The following SHANK2 variants were observed in gnomAD, a reference collection of about 807,000 sequenced individuals.
The protein encoded by SHANK2 is SH3 and multiple ankyrin repeat domains protein 2.
SHANK2 carries 43 observed loss-of-function variants against 133.7 expected under a neutral mutation model. The observed-to-expected ratio is 0.32, with a 90% confidence interval of 0.25 to 0.41. SHANK2 has a LOEUF of 0.41. SHANK2 is among the 10% of genes least tolerant of loss of function. The probability of loss-of-function intolerance (pLI) is 1.00; values close to 1 mark genes in which losing one functional copy is unlikely to be tolerated. For missense variants in SHANK2, 1,994 were observed against 2,235.8 expected, an observed-to-expected ratio of 0.89 and a Z score of 2.18; for synonymous variants, 1,017 against 952.8, an observed-to-expected ratio of 1.07 and a Z score of -1.24.
rs142818564 is a variant in SHANK2 at position 70,806,624 on chromosome 11, C to T, written c.1663+378G>A. On this transcript the variant is annotated intron_variant, in intron 13 of 25. Transcript: ENST00000601538. ...GCAGGCCCCGGGCCTCAGGTCACAC[C>T]GGACCATCTACCTGGAGACCCCAAA... is the stretch of plus-strand genomic sequence containing the variant. Among the ~76,000 whole-genome samples the T allele has an allele frequency of 2.3e-3, 356 of 152,196 alleles. 2 individuals carry two copies. The highest frequency in any genetic ancestry group is 6.5e-3 in the African/African-American group (269 of 41,528).
intron 15 of SHANK2, among the ~76,000 whole-genome samples, chr11:70,690,084 G>A (rs990592756): frequency 2.6e-5 from 4 of 152,076 alleles, no homozygotes; most frequent in South Asian, 2.1e-4. Flanking sequence ...AGCAACTCAC[G>A]TATCCACTAG....
intron 10 of SHANK2, chr11:70,933,426 A>T (rs1290217102): frequency 9.4e-6 from 4 of 423,494 alleles, no homozygotes; most frequent in South Asian, 3.5e-5. Flanking sequence ...AAATGACAAA[A>T]TTCTGGTAGT....
Position 70,954,683 on chromosome 11 carries a change from C to G in SHANK2, c.1108-58116G>C, listed in dbSNP as rs149846404. On this transcript the variant is annotated intron_variant, in intron 10 of 25. Transcript: ENST00000601538. ...GTGAAGAGCGCAATACAACACAGAA[C>G]CATTGCCAACGGCATTCCTGGGCCT... is the stretch of plus-strand genomic sequence containing the variant. 3.5e-4 allele frequency among the ~76,000 whole-genome samples: 53 copies of G among 152,366 alleles called. 1 individual carries two copies. The East Asian group carries it at 5.2e-3, about 15-fold the overall frequency.
chr11:71,239,530 G>C (rs1954863230), intron 1 of SHANK2, among the ~76,000 whole-genome samples: 3 of 152,090 alleles, frequency 2.0e-5, no homozygotes. Flanking sequence ...CACCATCTCA[G>C]CTCACAGCAG....
intron 14 of SHANK2, among the ~76,000 whole-genome samples, chr11:70,779,642 C>T (rs1555044708): frequency 3.3e-5 from 5 of 152,208 alleles, no homozygotes; most frequent in African/African-American, 1.2e-4. Flanking sequence ...ACAGCTCCCA[C>T]CCCTTTCACA....
At chr11:71,210,843 G>A (rs1372553120) in intron 2 of SHANK2, among the ~76,000 whole-genome samples, 1 of 152,186 alleles carries the variant, frequency 6.6e-6, no homozygotes, top group East Asian at 1.9e-4. Flanking sequence ...CCTCAGGACT[G>A]AAGAGAAAAA....
intron 3 of SHANK2, among the ~76,000 whole-genome samples, chr11:71,145,941 G>A (rs1451685883): frequency 1.3e-5 from 2 of 152,244 alleles, no homozygotes; most frequent in East Asian, 3.9e-4. Flanking sequence ...GCCCACTGAG[G>A]GAGACCCTTC....
chr11:71,140,180 T>A (rs1952527533), intron 3 of SHANK2, among the ~76,000 whole-genome samples: 1 of 152,218 alleles, frequency 6.6e-6, no homozygotes, highest in Non-Finnish European at 1.5e-5. Context: ...ATTTCTGGTT[T>A]CAGCCTCCAG....
chr11:70,548,850 G>A (rs1018176953), intron 17 of SHANK2, among the ~76,000 whole-genome samples: 10 of 152,162 alleles, frequency 6.6e-5, no homozygotes, highest in African/African-American at 2.2e-4. Flanking sequence ...ATGTGGACAC[G>A]CATGGTGGGA....
chr11:71,175,545 G>T lies in SHANK2; in HGVS notation c.-12-28207C>A, dbSNP rs868957689. On this transcript the variant is annotated intron_variant, in intron 2 of 25. Transcript: ENST00000601538. The surrounding 1 kb of genome is among the most constrained non-coding windows in gnomAD (Gnocchi z 4.2). ...GACAGACAGACAGACAGAGGGAGAG[G>T]GAGAGGGAGAGAGAGAGAGAGAGAG... is the stretch of plus-strand genomic sequence containing the variant. 1.3e-5 allele frequency among the ~76,000 whole-genome samples: 1 copy of T among 79,306 alleles called. No homozygotes were observed. The allele number at this position is 79,306 out of a possible 152,430, so 52.0% of individuals were successfully genotyped here. A position where few individuals can be genotyped will look rare whatever the true frequency, so the allele number is the denominator to read the frequency against.
intron 11 of SHANK2, among the ~76,000 whole-genome samples, chr11:70,892,187 G>A (rs868940436): frequency 4.6e-5 from 7 of 152,146 alleles, no homozygotes; most frequent in Non-Finnish European, 8.8e-5. Context: ...CTCTCCAGCC[G>A]CCAGGCTCCA....
At chr11:70,541,969 C>A (rs1035726303) in intron 17 of SHANK2, among the ~76,000 whole-genome samples, 1 of 152,188 alleles carries the variant, frequency 6.6e-6, no homozygotes, top group South Asian at 2.1e-4. Context: ...TTCTGCACAC[C>A]CCGTGACAGT....
At chr11:71,244,273 C>T (rs1172202392) in intron 1 of SHANK2, among the ~76,000 whole-genome samples, 3 of 152,256 alleles carry the variant, frequency 2.0e-5, no homozygotes, top group Non-Finnish European at 4.4e-5. Context: ...AGGGCCTGCC[C>T]CTGGGGTCGG....
intron 3 of SHANK2, among the ~76,000 whole-genome samples, chr11:71,140,301 G>A (rs782188421): frequency 6.6e-6 from 1 of 152,214 alleles, no homozygotes; most frequent in Non-Finnish European, 1.5e-5. Context: ...TGGCTTTCAC[G>A]AGGAGGTGCT....
chr11:71,102,737 GTCCCACTGCCTTT>G lies in SHANK2; in HGVS notation c.592+7191_592+7203del, dbSNP rs1279092316. Reference sequence around the variant, plus strand: ...GGCTCATGCCAAGAGACCCCTGTTCGTCCCACTGCCTTTTCCCCCAGGAGTTGAGAGCAGGGAC... The same window carrying G: ...GGCTCATGCCAAGAGACCCCTGTTCGTCCCCCAGGAGTTGAGAGCAGGGAC... On this transcript the variant is annotated intron_variant, in intron 6 of 25. Coordinates refer to ENST00000601538, the MANE Select transcript of SHANK2 (RefSeq NM_012309.5). Among the ~76,000 whole-genome samples the G allele has an allele frequency of 3.3e-5, 5 of 152,314 alleles. No individual in the cohort carries two copies. The East Asian group carries it at 9.7e-4, about 29-fold the overall frequency.
intron 17 of SHANK2, among the ~76,000 whole-genome samples, chr11:70,628,675 C>T (rs781840421): frequency 6.6e-6 from 1 of 152,198 alleles, no homozygotes; most frequent in Non-Finnish European, 1.5e-5. Context: ...CCCCAACTTC[C>T]GGCTTCCCGA....
At chr11:70,498,536 G>A (rs1041660279) in intron 21 of SHANK2, among the ~76,000 whole-genome samples, 1 of 152,202 alleles carries the variant, frequency 6.6e-6, no homozygotes, top group East Asian at 1.9e-4. Flanking sequence ...CCCAAATCCT[G>A]CCTGACAGCC....
At chr11:71,194,363 G>A (rs1953855920) in intron 2 of SHANK2, among the ~76,000 whole-genome samples, 1 of 152,206 alleles carries the variant, frequency 6.6e-6, no homozygotes, top group Admixed American at 6.5e-5. Flanking sequence ...GGACCTGGGC[G>A]TGGGGGCTGC....
At chr11:70,715,582 C>G (rs1193206729) in intron 14 of SHANK2, among the ~76,000 whole-genome samples, 1 of 152,202 alleles carries the variant, frequency 6.6e-6, no homozygotes, top group Non-Finnish European at 1.5e-5. Flanking sequence ...TTGGTTTCTA[C>G]TCTATAGTAA....
Sources: allele counts gnomAD v4.1 joint callset (sites outside exome capture counted in the v4.1 genomes callset), GRCh38; gene constraint gnomAD v4.1.1; non-coding constraint Gnocchi (gnomAD v3.1); transcripts MANE v1.5; gene names NCBI Gene and HGNC (gene_info 2026-07-23, HGNC 2026-07-21).